CDH13: variants seen among roughly 807,000 people sequenced by gnomAD.
CDH13 encodes cadherin 13.
Under a neutral mutation model 63.8 loss-of-function variants are expected in CDH13, and 24 were observed. The ratio of observed to expected loss-of-function variants is 0.38; its 90% CI spans 0.27 to 0.53. CDH13 has a LOEUF of 0.53. Among genes scored for constraint, CDH13 ranks in the 20% least tolerant of loss-of-function variants. The pLI, the probability that CDH13 is intolerant of heterozygous loss-of-function variation, is 0.85. For missense variants in CDH13, 1,049 were observed against 903.1 expected (o/e 1.16, Z -2.07); for synonymous variants, 503 against 355.3 (o/e 1.42, Z -4.67).
chr16:83,566,163 A>G (rs6563933), intron 7 of CDH13, among the ~76,000 whole-genome samples: 125,821 of 151,988 alleles, frequency 0.83, 52,529 homozygotes, highest in South Asian at 0.91. Flanking sequence ...GTCCTCTTCC[A>G]ATTTCTTGGG....
At chr16:83,402,611 A>G (rs952320225) in intron 6 of CDH13, among the ~76,000 whole-genome samples, 3 of 152,248 alleles carry the variant, frequency 2.0e-5, no homozygotes, top group African/African-American at 7.2e-5. Flanking sequence ...GTAGACTACC[A>G]TAACTCACTG....
chr16:83,017,417 A>G (rs1914913634), intron 2 of CDH13, among the ~76,000 whole-genome samples: 1 of 152,116 alleles, frequency 6.6e-6, no homozygotes. Context: ...TTTGGATACC[A>G]TCATTTGAAG....
At chr16:83,661,774 C>A (rs1035899587) in intron 8 of CDH13, among the ~76,000 whole-genome samples, 4 of 152,222 alleles carry the variant, frequency 2.6e-5, no homozygotes, top group Non-Finnish European at 5.9e-5. Flanking sequence ...GACTCAGCAC[C>A]TTCTGTGTAT....
chr16:82,890,147 G>C (rs1334364372), intron 2 of CDH13, among the ~76,000 whole-genome samples: 1 of 152,230 alleles, frequency 6.6e-6, no homozygotes, highest in African/African-American at 2.4e-5. Flanking sequence ...AGCTGCAGTT[G>C]CTAGAGATTC....
chr16:82,829,908 C>A (rs1265493461), intron 1 of CDH13, among the ~76,000 whole-genome samples: 1 of 152,118 alleles, frequency 6.6e-6, no homozygotes, highest in Non-Finnish European at 1.5e-5. Flanking sequence ...CCTTTGAGGA[C>A]CATATCAGAT....
intron 2 of CDH13, among the ~76,000 whole-genome samples, chr16:82,995,131 C>T (rs556770171): frequency 2.0e-5 from 3 of 152,294 alleles, no homozygotes; most frequent in South Asian, 4.1e-4. Flanking sequence ...ATCATCACAA[C>T]CCAAGTGGCT....
At chr16:83,485,860 G>C (rs1183282003) in intron 6 of CDH13, among the ~76,000 whole-genome samples, 2 of 152,126 alleles carry the variant, frequency 1.3e-5, no homozygotes, top group Non-Finnish European at 2.9e-5. Flanking sequence ...CTTTAAAAAT[G>C]AAGGCCATGG....
In CDH13 at chr16:83,788,876, A is replaced by G. The variant is rs564890569; in HGVS notation, c.2134+5404A>G. On this transcript the variant is annotated intron_variant, in intron 13 of 13. Coordinates refer to ENST00000567109, the MANE Select transcript of CDH13 (RefSeq NM_001257.5). ...GGATCTCCTTGTGTAGCTGGAAAGT[A>G]TTCAGTTGACACTCCAATGGTTTGC... Among the ~76,000 whole-genome samples the G allele has an allele frequency of 2.6e-5, 4 of 152,256 alleles. No individual in the cohort carries two copies. The East Asian group carries it at 7.7e-4, about 29-fold the overall frequency.
At chr16:83,319,895 A>C (rs1328466184) in intron 5 of CDH13, among the ~76,000 whole-genome samples, 4 of 152,188 alleles carry the variant, frequency 2.6e-5, no homozygotes, top group Non-Finnish European at 4.4e-5. Flanking sequence ...AATTTTCAAA[A>C]GCCCAACGTA....
At chr16:82,831,993 C>T (rs537310080) in intron 1 of CDH13, among the ~76,000 whole-genome samples, 1 of 152,278 alleles carries the variant, frequency 6.6e-6, no homozygotes, top group South Asian at 2.1e-4. Flanking sequence ...AAGAGCAACG[C>T]TTGGAAGCCA....
chr16:83,047,732 T>G lies in CDH13; in HGVS notation c.366+15514T>G, dbSNP rs1252664971. 1.3e-5 allele frequency among the ~76,000 whole-genome samples: 2 copies of G among 152,238 alleles called. No individual in the cohort carries two copies. Among genetic ancestry groups the G allele is most frequent in the Non-Finnish European group, 2.9e-5 (2 of 68,038 alleles). ...GACTTAGCAAATGCTGGAGACAGAATGAATATTGATATTAATAATGCAGAT... is the reference window on the plus strand; with the variant it reads ...GACTTAGCAAATGCTGGAGACAGAAGGAATATTGATATTAATAATGCAGAT... On this transcript the variant is annotated intron_variant, in intron 3 of 13. Coordinates refer to ENST00000567109, the MANE Select transcript of CDH13 (RefSeq NM_001257.5). The surrounding 1 kb of genome is among the most constrained non-coding windows in gnomAD (Gnocchi z 4.9).
chr16:83,248,172 C>A (rs1340067621), intron 5 of CDH13, among the ~76,000 whole-genome samples: 1 of 151,996 alleles, frequency 6.6e-6, no homozygotes. Flanking sequence ...CCAGAATGTT[C>A]CCACCAGCTG....
intron 6 of CDH13, among the ~76,000 whole-genome samples, chr16:83,414,967 A>G (rs1442494351): frequency 6.6e-6 from 1 of 152,164 alleles, no homozygotes; most frequent in Non-Finnish European, 1.5e-5. Flanking sequence ...GCTGGGTCAT[A>G]TGGTAGAAAA....
chr16:83,308,961 C>T (rs984839422), intron 5 of CDH13, among the ~76,000 whole-genome samples: 1 of 152,096 alleles, frequency 6.6e-6, no homozygotes, highest in Non-Finnish European at 1.5e-5. Context: ...AAAGAGGGCA[C>T]CAGGTCACAC....
chr16:83,767,386 C>A (rs903923909), intron 11 of CDH13, among the ~76,000 whole-genome samples: 6 of 152,096 alleles, frequency 3.9e-5, no homozygotes, highest in Non-Finnish European at 7.3e-5. Flanking sequence ...GTTATATAAA[C>A]GGGAGTTCTC....
At chr16:83,422,801 C>G (rs2071756468) in intron 6 of CDH13, among the ~76,000 whole-genome samples, 1 of 152,078 alleles carries the variant, frequency 6.6e-6, no homozygotes. Context: ...CCTCATGAGC[C>G]TGTTTTGATA....
intron 1 of CDH13, among the ~76,000 whole-genome samples, chr16:82,713,675 A>C (rs775069007): frequency 2.6e-5 from 4 of 152,158 alleles, no homozygotes; most frequent in Admixed American, 1.3e-4. Context: ...CAGCAAAAGC[A>C]AATGCATACC....
At chr16:83,174,166 G>C (rs1302540826) in intron 4 of CDH13, among the ~76,000 whole-genome samples, 1 of 152,030 alleles carries the variant, frequency 6.6e-6, no homozygotes, top group Non-Finnish European at 1.5e-5. Flanking sequence ...ATCAAGCTTA[G>C]GAAGCAATGT....
intron 5 of CDH13, among the ~76,000 whole-genome samples, chr16:83,332,417 G>C (rs1378588954): frequency 6.6e-6 from 1 of 151,794 alleles, no homozygotes; most frequent in Admixed American, 6.6e-5. Flanking sequence ...CATCATGTTT[G>C]ATAAAACACA....
Sources: allele counts gnomAD v4.1 joint callset (sites outside exome capture counted in the v4.1 genomes callset), GRCh38; gene constraint gnomAD v4.1.1; non-coding constraint Gnocchi (gnomAD v3.1); transcripts MANE v1.5; gene names NCBI Gene and HGNC (gene_info 2026-07-23, HGNC 2026-07-21).